BBS9: variants seen among roughly 807,000 people sequenced by gnomAD.
The protein encoded by BBS9 is protein PTHB1.
A neutral mutation model predicts 117.7 loss-of-function variants in BBS9; 89 were observed. The ratio of observed to expected loss-of-function variants is 0.76; its 90% CI spans 0.64 to 0.90. The LOEUF is 0.90. Among genes scored for constraint, BBS9 ranks in the 40% least tolerant of loss-of-function variants. BBS9 has a pLI of 0.00. For synonymous variants in BBS9, 379 were observed against 370.9 expected, an observed-to-expected ratio of 1.02 and a Z score of -0.25; for missense variants, 982 against 1,042.2, an observed-to-expected ratio of 0.94 and a Z score of 0.80.
chr7:33,338,278 A>T (rs887971066), intron 10 of BBS9, among the ~76,000 whole-genome samples: 1 of 152,188 alleles, frequency 6.6e-6, no homozygotes, highest in Non-Finnish European at 1.5e-5. Flanking sequence ...AGATATGGAA[A>T]AAAATTTAGT....
intron 7 of BBS9, among the ~76,000 whole-genome samples, chr7:33,266,975 C>A (rs1219296247): frequency 6.6e-6 from 1 of 152,080 alleles, no homozygotes; most frequent in Non-Finnish European, 1.5e-5. Context: ...GATCTCTTGA[C>A]CTCGTGATCC....
intron 21 of BBS9, among the ~76,000 whole-genome samples, chr7:33,564,071 T>C (rs1047129552): frequency 6.6e-6 from 1 of 152,198 alleles, no homozygotes; most frequent in Non-Finnish European, 1.5e-5. Context: ...TTACTGAATC[T>C]TGCTTTAAAG....
intron 20 of BBS9, 136 bp downstream of exon 20, chr7:33,505,781 G>A (rs1354702264): frequency 2.1e-6 from 2 of 930,992 alleles, no homozygotes; most frequent in Non-Finnish European, 3.3e-6. Context: ...TGCTTTCCTT[G>A]TCTTTAAACC....
At chr7:33,443,647 G>A (rs1027325381) in intron 19 of BBS9, among the ~76,000 whole-genome samples, 2 of 152,098 alleles carry the variant, frequency 1.3e-5, no homozygotes, top group African/African-American at 4.8e-5. Context: ...TAAAAAAGAT[G>A]AAAATAACTT....
intron 19 of BBS9, among the ~76,000 whole-genome samples, chr7:33,497,642 A>C (rs578013543): frequency 6.6e-6 from 1 of 152,294 alleles, no homozygotes; most frequent in African/African-American, 2.4e-5. Flanking sequence ...AACAAGTCAT[A>C]CCAGGCAAAG....
At chr7:33,615,347 G>C (rs1865077101) in intron 21 of BBS9, among the ~76,000 whole-genome samples, 1 of 152,002 alleles carries the variant, frequency 6.6e-6, no homozygotes, top group Non-Finnish European at 1.5e-5. Flanking sequence ...TTCTGCACTG[G>C]ATCAAATAAA....
intron 9 of BBS9, among the ~76,000 whole-genome samples, chr7:33,314,059 TA>T (rs1320896378): frequency 6.6e-6 from 1 of 152,156 alleles, no homozygotes; most frequent in East Asian, 1.9e-4. Flanking sequence ...AAGACATGAT[TA>T]TTTTTAAAAA....
intron 4 of BBS9, among the ~76,000 whole-genome samples, chr7:33,172,936 A>C (rs916611050): frequency 6.6e-6 from 1 of 152,236 alleles, no homozygotes; most frequent in East Asian, 1.9e-4. Flanking sequence ...CAATGGGAAG[A>C]GTTTCTAATA....
In BBS9 at chr7:33,357,842, T is replaced by C. The variant is rs1819900320; in HGVS notation, c.1553-13T>C. ...TCAAGTCTATGAATCTACATATCTC[T>C]CTTTTATTTTAGGCATTCCGCGAGT... On this transcript the variant is annotated splice_polypyrimidine_tract_variant and intron_variant, in intron 15 of 22. Coordinates refer to ENST00000242067, the MANE Select transcript of BBS9 (RefSeq NM_198428.3). The C allele has an allele frequency of 6.2e-7, 1 of 1,609,068 alleles. No homozygotes were observed. The highest frequency in any genetic ancestry group is 8.5e-7 in the Non-Finnish European group (1 of 1,175,860).
chr7:33,272,228 C>A (rs1251874526), intron 7 of BBS9, among the ~76,000 whole-genome samples: 1 of 152,008 alleles, frequency 6.6e-6, no homozygotes, highest in African/African-American at 2.4e-5. Flanking sequence ...GGGAGAGGAT[C>A]AGAAAAAATA....
intron 16 of BBS9, among the ~76,000 whole-genome samples, chr7:33,358,905 T>C (rs1820118104): frequency 6.6e-6 from 1 of 151,882 alleles, no homozygotes; most frequent in African/African-American, 2.4e-5. Flanking sequence ...TTAAAATTTA[T>C]TTTTTATTAA....
At chr7:33,315,767 A>G (rs973941919) in intron 9 of BBS9, among the ~76,000 whole-genome samples, 13 of 152,164 alleles carry the variant, frequency 8.5e-5, no homozygotes, top group African/African-American at 2.9e-4. Context: ...GTGGATATAT[A>G]TGTGTATACA....
At chr7:33,208,825 G>A (rs1787459694) in intron 5 of BBS9, among the ~76,000 whole-genome samples, 2 of 150,520 alleles carry the variant, frequency 1.3e-5, no homozygotes, top group Middle Eastern at 3.2e-3. Context: ...TTTAATTTTT[G>A]TGGGCACATA....
At chr7:33,474,733 G>T (rs540664199) in intron 19 of BBS9, among the ~76,000 whole-genome samples, 28 of 152,148 alleles carry the variant, frequency 1.8e-4, no homozygotes, top group Non-Finnish European at 2.6e-4. Context: ...GGTTCACGAG[G>T]TCAGAAGTTG....
At chr7:33,322,032 T>C (rs1218938495) in intron 9 of BBS9, among the ~76,000 whole-genome samples, 2 of 152,130 alleles carry the variant, frequency 1.3e-5, no homozygotes, top group East Asian at 1.9e-4. Context: ...AATGATTGAT[T>C]TGCATATGTT....
At chr7:33,383,521 G>A (rs554259704) in intron 17 of BBS9, 145 bp from the exon 18 acceptor site, 2 of 754,414 alleles carry the variant, frequency 2.7e-6, no homozygotes, top group East Asian at 2.7e-5. Context: ...AACAGTGAAA[G>A]TATTTTTATA....
At chr7:33,267,471 T>G (rs1347920798) in intron 7 of BBS9, among the ~76,000 whole-genome samples, 1 of 6,038 alleles carries the variant, frequency 1.7e-4, no homozygotes, top group African/African-American at 4.3e-4. Context: ...TTTATCCAGT[T>G]TTTTTTTTAA....
chr7:33,220,293 T>C (rs1198243808), intron 5 of BBS9, among the ~76,000 whole-genome samples: 1 of 152,128 alleles, frequency 6.6e-6, no homozygotes, highest in African/African-American at 2.4e-5. Flanking sequence ...TATCATGGCA[T>C]AGTTAAAAAA....
At chr7:33,329,613 A>G (rs1360487014) in intron 9 of BBS9, among the ~76,000 whole-genome samples, 1 of 152,132 alleles carries the variant, frequency 6.6e-6, no homozygotes, top group Non-Finnish European at 1.5e-5. Context: ...TTGTTTCTAA[A>G]TTTTTAAAAT....
Sources: allele counts gnomAD v4.1 joint callset (sites outside exome capture counted in the v4.1 genomes callset), GRCh38; gene constraint gnomAD v4.1.1; transcripts MANE v1.5; gene names NCBI Gene and HGNC (gene_info 2026-07-23, HGNC 2026-07-21).